The following BLOC1S3 variants were observed in gnomAD, a reference collection of about 807,000 sequenced individuals.
The protein encoded by BLOC1S3 is biogenesis of lysosomal organelles complex 1 subunit 3, also known as biogenesis of lysosome-related organelles complex 1 subunit 3.
A neutral mutation model predicts 9.1 loss-of-function variants in BLOC1S3; 7 were observed. The ratio of observed to expected loss-of-function variants is 0.77; its 90% CI spans 0.44 to 1.45. The LOEUF is 1.45. Among genes scored for constraint, BLOC1S3 ranks in the 40% most tolerant of loss-of-function variants. The pLI is 0.01. For synonymous variants in BLOC1S3, 145 were observed against 158.4 expected (o/e 0.92, Z 0.64); for missense variants, 307 against 315.2 (o/e 0.97, Z 0.20).
intron 2 of BLOC1S3, among the ~76,000 whole-genome samples, chr19:45,188,901 G>A (rs148695362): frequency 8.3e-4 from 124 of 149,160 alleles, no homozygotes; most frequent in African/African-American, 2.8e-3. Context: ...TTGAGGCAGA[G>A]TCTTGCTCTG....
chr19:45,211,297 G>T (rs1270969617), intron 3 of BLOC1S3, among the ~76,000 whole-genome samples: 1 of 151,972 alleles, frequency 6.6e-6, no homozygotes, highest in East Asian at 1.9e-4. Flanking sequence ...AGGAGTTGGA[G>T]ACCAGCCTGG....
chr19:45,197,214 G>T (rs563260968), intron 2 of BLOC1S3, among the ~76,000 whole-genome samples: 26 of 151,768 alleles, frequency 1.7e-4, no homozygotes, highest in Non-Finnish European at 3.4e-4. Flanking sequence ...GTCCAGGTGC[G>T]GTGGCTCACA....
chr19:45,206,450 GTTTTTTTTTTT>G (rs1054281226), intron 3 of BLOC1S3, among the ~76,000 whole-genome samples: 2 of 55,152 alleles, frequency 3.6e-5, no homozygotes, highest in South Asian at 6.5e-4. Flanking sequence ...GATTAATCAA[GTTTTTTTTTTT>G]TTTTTTTTTT....
intron 3 of BLOC1S3, chr19:45,213,386 GCAGATCCC>G: frequency 6.2e-7 from 1 of 1,609,564 alleles, no homozygotes; most frequent in Middle Eastern, 1.7e-4. Context: ...ACAGGTGCAT[GCAGATCCC>G]CAGCTCTAGA....
At chr19:45,197,629 C>T (rs1172809418) in intron 2 of BLOC1S3, among the ~76,000 whole-genome samples, 2 of 151,884 alleles carry the variant, frequency 1.3e-5, no homozygotes, top group Non-Finnish European at 2.9e-5. Flanking sequence ...AGTTCAAGAC[C>T]AGCCTGGCCA....
At chr19:45,184,903 CAAAAAAAAAA>C (rs71338752), downstream of BLOC1S3, among the ~76,000 whole-genome samples, 23 of 48,284 alleles carry the variant, frequency 4.8e-4, no homozygotes, top group African/African-American at 1.1e-3. Context: ...CTGTCTCAAA[CAAAAAAAAAA>C]AAAAAAAAAA....
At chr19:45,198,872 T>A (rs1599754115) in intron 2 of BLOC1S3, 1 of 151,510 alleles carries the variant, frequency 6.6e-6, no homozygotes, top group East Asian at 1.9e-4. Flanking sequence ...CCTGGCTAAT[T>A]TTTTTTGTAT....
At chr19:45,193,132 C>CAAAAAAAAAAAAAA (rs71173123) in intron 2 of BLOC1S3, among the ~76,000 whole-genome samples, 4 of 77,928 alleles carry the variant, frequency 5.1e-5, no homozygotes, top group Admixed American at 1.7e-4. Context: ...AACTCCGTCT[C>CAAAAAAAAAAAAAA]AAAAAAAAAA....
Position 45,213,235 on chromosome 19 carries a change from C to T in BLOC1S3, n.283-3441C>T, listed in dbSNP as rs573616397. 29 of 1,612,824 alleles carry T rather than the reference C, an allele frequency of 1.8e-5. No homozygotes were observed. The highest frequency in any genetic ancestry group is 5.5e-5 in the South Asian group (5 of 90,952). Reference sequence around the variant, plus strand: ...GATGTCTGCAAAGAAGGCACGGTCCCGAGGGGGTGACAGGGCTCCCTCCTC... The same window carrying T: ...GATGTCTGCAAAGAAGGCACGGTCCTGAGGGGGTGACAGGGCTCCCTCCTC... On this transcript the variant is annotated intron_variant and non_coding_transcript_variant, in intron 3 of 3. Transcript: ENST00000591569.
intron 2 of BLOC1S3, among the ~76,000 whole-genome samples, chr19:45,202,198 T>G (rs868546689): frequency 9.0e-6 from 1 of 111,688 alleles, no homozygotes; most frequent in African/African-American, 3.6e-5. Flanking sequence ...GGTGACAGAG[T>G]GAGACTCCAT....
chr19:45,193,627 A>G (rs1969623781), intron 2 of BLOC1S3, among the ~76,000 whole-genome samples: 1 of 151,530 alleles, frequency 6.6e-6, no homozygotes, highest in African/African-American at 2.4e-5. Flanking sequence ...TTGGAGTATT[A>G]TAATATGTTA....
At chr19:45,207,579 A>AAAAAAAAAAAC (rs1568476686) in intron 3 of BLOC1S3, among the ~76,000 whole-genome samples, 1 of 148,926 alleles carries the variant, frequency 6.7e-6, no homozygotes, top group Non-Finnish European at 1.5e-5. Flanking sequence ...AAAAAAAAAA[A>AAAAAAAAAAAC]AAAAAAACCT....
chr19:45,207,564 A>C (rs900838238), intron 3 of BLOC1S3, among the ~76,000 whole-genome samples: 12 of 148,182 alleles, frequency 8.1e-5, no homozygotes, highest in African/African-American at 3.0e-4. Flanking sequence ...TCAAAAAAAA[A>C]AAAAAAAAAA....
At chr19:45,194,144 A>G (rs1458763283) in intron 2 of BLOC1S3, among the ~76,000 whole-genome samples, 22 of 62,002 alleles carry the variant, frequency 3.5e-4, no homozygotes, top group Non-Finnish European at 5.5e-4. Context: ...ATGGAGTCTC[A>G]CTTTGTCGCC....
At chr19:45,211,934 C>T (rs1055934609) in intron 3 of BLOC1S3, among the ~76,000 whole-genome samples, 5 of 152,150 alleles carry the variant, frequency 3.3e-5, no homozygotes, top group Admixed American at 2.0e-4. Flanking sequence ...GACTAGGATC[C>T]GGCGGGGCTG....
At chr19:45,212,350 A>T (rs1969782456) in intron 3 of BLOC1S3, among the ~76,000 whole-genome samples, 1 of 151,900 alleles carries the variant, frequency 6.6e-6, no homozygotes. Context: ...CCCACAACAC[A>T]CTCAGGACTC....
rs1385584544 is a variant in BLOC1S3 at position 45,216,251 on chromosome 19, C to T, written n.283-425C>T. On this transcript the variant is annotated intron_variant and non_coding_transcript_variant, in intron 3 of 3. Coordinates refer to the BLOC1S3 transcript ENST00000591569. ...CTCCCAAGATTGACCCTGCCAATTC[C>T]TGCCCCTCCTGGCTTGTTATACCAT... 1.3e-5 allele frequency: 20 copies of T among 1,591,810 alleles called. No homozygotes were observed. The East Asian group carries it at 3.4e-4, about 27-fold the overall frequency.
At chr19:45,202,772 C>T (rs1490706838) in intron 3 of BLOC1S3, among the ~76,000 whole-genome samples, 1 of 152,112 alleles carries the variant, frequency 6.6e-6, no homozygotes, top group African/African-American at 2.4e-5. Flanking sequence ...GAAATCAGCA[C>T]GGCACTGGGT....
In BLOC1S3 at chr19:45,181,380, C is replaced by CA. The variant is rs1334429179; in HGVS notation, c.*1475_*1476insA. ...CCTCCAGGCCAAGATGATGCTCGCTCTCAACTCTGTAGGCCAAGGTGGCGT... is the reference window on the plus strand; with the variant it reads ...CCTCCAGGCCAAGATGATGCTCGCTCATCAACTCTGTAGGCCAAGGTGGCGT... On this transcript the variant is annotated 3_prime_UTR_variant, in exon 2 of 2. Transcript: ENST00000433642. 6 of 167,184 alleles carry CA rather than the reference C, an allele frequency of 3.6e-5. No individual in the cohort carries two copies. The highest frequency in any genetic ancestry group is 1.4e-4 in the African/African-American group (6 of 41,462). 10.4% of individuals were successfully genotyped at this position (167,184 alleles called of 1,614,324 possible). A position where few individuals can be genotyped will look rare whatever the true frequency, so the allele number is the denominator to read the frequency against.
Sources: gnomAD v4.1 joint callset for allele counts (sites outside exome capture counted in the v4.1 genomes callset) on GRCh38, gnomAD v4.1.1 for gene constraint, MANE v1.5 for transcripts, NCBI Gene and HGNC (gene_info 2026-07-23, HGNC 2026-07-21) for gene names.